Variants in RARB observed in about 807,000 individuals in gnomAD.
The protein encoded by RARB is HBV-activated protein.
Under a neutral mutation model 51.9 loss-of-function variants are expected in RARB, and 17 were observed. The ratio of observed to expected loss-of-function variants is 0.33; its 90% CI spans 0.22 to 0.49. RARB has a LOEUF of 0.49. Among genes scored for constraint, RARB ranks in the 20% least tolerant of loss-of-function variants. The probability of loss-of-function intolerance (pLI) is 0.99; values close to 1 mark genes in which losing one functional copy is unlikely to be tolerated. For missense variants in RARB, 369 were observed against 550.8 expected (o/e 0.67, Z 3.30); for synonymous variants, 215 against 195.4 (o/e 1.10, Z -0.84).
At chr3:24,987,140 G>A (rs1244786410) in intron 2 of RARB, among the ~76,000 whole-genome samples, 1 of 152,110 alleles carries the variant, frequency 6.6e-6, no homozygotes, top group Non-Finnish European at 1.5e-5. Flanking sequence ...AGTGAGTGGA[G>A]TATATATTCA....
chr3:25,274,996 G>A (rs546327509), intron 5 of RARB, among the ~76,000 whole-genome samples: 2 of 152,296 alleles, frequency 1.3e-5, no homozygotes, highest in East Asian at 1.9e-4. Flanking sequence ...AGGATACTTA[G>A]CTGATCAGCA....
At chr3:25,322,212 TG>T (rs1276469102) in intron 5 of RARB, among the ~76,000 whole-genome samples, 6 of 9,614 alleles carry the variant, frequency 6.2e-4, no homozygotes, top group Non-Finnish European at 7.4e-4. Context: ...TAATAAATGT[TG>T]GGGGGCGGGG....
chr3:25,138,231 A>G (rs938706442), intron 4 of RARB, among the ~76,000 whole-genome samples: 1 of 152,130 alleles, frequency 6.6e-6, no homozygotes, highest in Non-Finnish European at 1.5e-5. Flanking sequence ...ACCACTGTAC[A>G]TAGATGAAAA....
At chr3:25,078,532 C>G (rs1366271525) in intron 3 of RARB, among the ~76,000 whole-genome samples, 1 of 56,058 alleles carries the variant, frequency 1.8e-5, no homozygotes, top group Non-Finnish European at 3.4e-5. Flanking sequence ...CTCCAACTTT[C>G]TATTTTTTTT....
At chr3:25,527,496 G>A (rs577357297) in intron 3 of RARB, among the ~76,000 whole-genome samples, 1 of 152,212 alleles carries the variant, frequency 6.6e-6, no homozygotes, top group Non-Finnish European at 1.5e-5. Flanking sequence ...TTAGTCAGCT[G>A]TGGGTTCAAT....
In RARB at chr3:25,428,740, C is replaced by T. The variant is rs1225742853; in HGVS notation, c.9C>T (p.Asp3=). 6.2e-7 allele frequency: 1 copy of T among 1,613,844 alleles called. No individual in the cohort carries two copies. The highest frequency in any genetic ancestry group is 8.5e-7 in the Non-Finnish European group (1 of 1,179,802). MF[D]CMDVLSVSPG... ...TCAGTGCAAGGGAGATCATGTTTGA[C>T]TGTATGGATGTTCTGTCAGTGAGTC... is the stretch of plus-strand genomic sequence containing the variant. Residue 3 remains aspartate, a synonymous_variant, in exon 1 of 8, where the codon GAC becomes GAT. Coordinates refer to ENST00000330688, the MANE Select transcript of RARB (RefSeq NM_000965.5).
chr3:25,504,543 G>A (rs938787035), intron 3 of RARB, among the ~76,000 whole-genome samples: 1 of 152,108 alleles, frequency 6.6e-6, no homozygotes, highest in Non-Finnish European at 1.5e-5. Context: ...CCATGTGGGT[G>A]GGGAGTGTGG....
intron 5 of RARB, among the ~76,000 whole-genome samples, chr3:25,376,897 A>G (rs1229043172): frequency 2.0e-5 from 3 of 152,078 alleles, no homozygotes; most frequent in South Asian, 4.1e-4. Context: ...CTAACCCCCT[A>G]TGTCTCCTGG....
intron 5 of RARB, among the ~76,000 whole-genome samples, chr3:25,338,341 C>G (rs1209628693): frequency 6.6e-6 from 1 of 152,094 alleles, no homozygotes; most frequent in Non-Finnish European, 1.5e-5. Flanking sequence ...TGGCTATTGT[C>G]ACACCATTTG....
intron 2 of RARB, among the ~76,000 whole-genome samples, chr3:25,054,341 G>T (rs549349926): frequency 1.3e-5 from 2 of 150,880 alleles, no homozygotes; most frequent in Admixed American, 6.6e-5. Context: ...TGTACTAGTT[G>T]GGGGAGCCAT....
intron 2 of RARB, among the ~76,000 whole-genome samples, chr3:24,961,007 A>G (rs1426443444): frequency 6.6e-6 from 1 of 152,200 alleles, no homozygotes; most frequent in African/African-American, 2.4e-5. Context: ...TAACCTCTCA[A>G]GTCTATTTTC....
intron 5 of RARB, among the ~76,000 whole-genome samples, chr3:25,217,502 C>G (rs113481619): frequency 1.4e-4 from 21 of 152,028 alleles, no homozygotes; most frequent in South Asian, 2.1e-4. Context: ...TCCCACCCCC[C>G]CCAATTCTGA....
chr3:24,995,151 C>T (rs1696994629), intron 2 of RARB, among the ~76,000 whole-genome samples: 1 of 151,766 alleles, frequency 6.6e-6, no homozygotes, highest in Non-Finnish European at 1.5e-5. Flanking sequence ...TGTTTATATC[C>T]TCTTCAGTTT....
At chr3:25,445,250 A>G (rs1228933273) in intron 1 of RARB, among the ~76,000 whole-genome samples, 1 of 152,082 alleles carries the variant, frequency 6.6e-6, no homozygotes, top group Non-Finnish European at 1.5e-5. Context: ...CCGCCCAGCC[A>G]AACACCTCCT....
chr3:25,335,147 A>G (rs1406050134), intron 5 of RARB, among the ~76,000 whole-genome samples: 1 of 152,272 alleles, frequency 6.6e-6, no homozygotes, highest in South Asian at 2.1e-4. Context: ...TGGTAATAGC[A>G]CAAGCATACT....
chr3:24,927,346 A>G (rs1350064223), intron 2 of RARB, among the ~76,000 whole-genome samples: 2 of 152,026 alleles, frequency 1.3e-5, no homozygotes, highest in Non-Finnish European at 2.9e-5. Context: ...TTTGTATTCC[A>G]TTGTTTCTAA....
intron 4 of RARB, among the ~76,000 whole-genome samples, chr3:25,134,611 C>G (rs1166007147): frequency 6.6e-6 from 1 of 151,910 alleles, no homozygotes; most frequent in Non-Finnish European, 1.5e-5. Context: ...TCTCTGTCAA[C>G]TAAAATATTT....
chr3:24,868,797 A>G lies in RARB; in HGVS notation c.-380+10045A>G, dbSNP rs191020764. Among the ~76,000 whole-genome samples the G allele has an allele frequency of 7.4e-3, 1,127 of 152,262 alleles. 6 individuals are homozygous for G. Among genetic ancestry groups the G allele is most frequent in the Non-Finnish European group, 0.011 (751 of 68,006 alleles). ...TCATAGACAATAACTTTTTGAATCA[A>G]TTGCTAACAGAAAATCTTTATCTAC... On this transcript the variant is annotated intron_variant, in intron 2 of 11. Transcript: ENST00000383772.
At chr3:24,857,911 G>C (rs1166329001) in intron 1 of RARB, among the ~76,000 whole-genome samples, 1 of 152,150 alleles carries the variant, frequency 6.6e-6, no homozygotes, top group Admixed American at 6.5e-5. Context: ...GAGCAACAGA[G>C]CAGCAAGTTC....
Sources: allele counts gnomAD v4.1 joint callset (sites outside exome capture counted in the v4.1 genomes callset), GRCh38; gene constraint gnomAD v4.1.1; transcripts MANE v1.5; gene names NCBI Gene and HGNC (gene_info 2026-07-23, HGNC 2026-07-21).